The following DENND4C variants were observed in gnomAD, a reference collection of about 807,000 sequenced individuals.
DENND4C encodes DENN domain-containing protein 4C.
DENND4C carries 108 observed loss-of-function variants against 203.0 expected under a neutral mutation model. The ratio of observed to expected loss-of-function variants is 0.53; its 90% CI spans 0.46 to 0.62. The LOEUF (loss-of-function observed/expected upper bound fraction) is 0.62, where lower values mean the gene tolerates loss of function less well. Ranked by LOEUF, DENND4C falls within the 20% of genes least tolerant of loss-of-function variation. The pLI is 0.00. For synonymous variants in DENND4C, 871 were observed against 792.4 expected (o/e 1.10, Z -1.67); for missense variants, 2,481 against 2,301.2 (o/e 1.08, Z -1.60).
intron 1 of DENND4C, among the ~76,000 whole-genome samples, chr9:19,275,386 G>A (rs922483235): frequency 6.8e-6 from 1 of 147,686 alleles, no homozygotes; most frequent in Non-Finnish European, 1.5e-5. Context: ...TCCGCCTTCC[G>A]GGGTCGAGCG....
At chr9:19,355,209 C>T (rs1255962948) in intron 26 of DENND4C, among the ~76,000 whole-genome samples, 1 of 152,062 alleles carries the variant, frequency 6.6e-6, no homozygotes, top group African/African-American at 2.4e-5. Context: ...CATGCCTGGC[C>T]ATTCATTGCC....
rs1481755251 is a variant in DENND4C, at chr9:19,235,739, T to C, written c.-18+4906T>C. 2.0e-5 allele frequency among the ~76,000 whole-genome samples: 3 copies of C among 149,718 alleles called. No individual in the cohort carries two copies. In the East Asian group the frequency reaches 6.1e-4, roughly 30 times the overall value. ...CATTCTCCTGCCTCAGCCTCCCAAA[T>C]AGCTGGGACTTTAGGTGCCCGCCAC... On this transcript the variant is annotated intron_variant, in intron 1 of 32. Coordinates refer to ENST00000434457, the MANE Select transcript of DENND4C (RefSeq NM_001330640.2).
intron 1 of DENND4C, among the ~76,000 whole-genome samples, chr9:19,239,195 T>C (rs1412349420): frequency 1.3e-5 from 2 of 152,166 alleles, no homozygotes; most frequent in African/African-American, 4.8e-5. Context: ...TTTATGTCTT[T>C]AATTTTAGAA....
At chr9:19,341,224 C>A in intron 21 of DENND4C, 110 bp downstream of exon 21, 1 of 923,224 alleles carries the variant, frequency 1.1e-6, no homozygotes, top group Non-Finnish European at 1.5e-6. Flanking sequence ...AATGTAAGGT[C>A]TGGCTCCTAA....
At chr9:19,270,816 T>C (rs923092347) in intron 1 of DENND4C, among the ~76,000 whole-genome samples, 1 of 152,224 alleles carries the variant, frequency 6.6e-6, no homozygotes, top group African/African-American at 2.4e-5. Context: ...TATTCACACA[T>C]ACATTATGTG....
rs62560346 is a variant in DENND4C at position 19,255,134 on chromosome 9, G to A, written c.-17-21024G>A. ...GCACTCCAGCCTGGGTGGCAAGAGCGAAACTCTGTCTCAGTCTCAGTGGCT... is the reference window on the plus strand; with the variant it reads ...GCACTCCAGCCTGGGTGGCAAGAGCAAAACTCTGTCTCAGTCTCAGTGGCT... On this transcript the variant is annotated intron_variant, in intron 1 of 32. Coordinates refer to ENST00000434457, the MANE Select transcript of DENND4C (RefSeq NM_001330640.2). Among the ~76,000 whole-genome samples, 169 of 152,116 alleles carry A rather than the reference G, an allele frequency of 1.1e-3. 3 individuals are homozygous for A. In the Middle Eastern group the frequency reaches 0.024, roughly 21 times the overall value.
At chr9:19,268,594 T>A (rs1830994079) in intron 1 of DENND4C, among the ~76,000 whole-genome samples, 1 of 152,232 alleles carries the variant, frequency 6.6e-6, no homozygotes, top group South Asian at 2.1e-4. Flanking sequence ...GAACTCCCTT[T>A]AGTATTTCCT....
chr9:19,240,614 C>T (rs1442834994), intron 1 of DENND4C, among the ~76,000 whole-genome samples: 7 of 151,208 alleles, frequency 4.6e-5, no homozygotes, highest in Admixed American at 3.3e-4. Context: ...TGCAGTGAGC[C>T]GAGATCATGC....
At chr9:19,328,841 G>C (rs540542350) in intron 16 of DENND4C, among the ~76,000 whole-genome samples, 6 of 152,084 alleles carry the variant, frequency 3.9e-5, no homozygotes, top group African/African-American at 1.4e-4. Flanking sequence ...CTGAGGTCAG[G>C]AGTTCGAGAC....
intron 13 of DENND4C, 28 bp downstream of exon 13, chr9:19,324,535 T>C (rs756589357): frequency 6.3e-7 from 1 of 1,585,194 alleles, no homozygotes; most frequent in South Asian, 1.2e-5. Flanking sequence ...TACTAGTGTT[T>C]AGAAAAAAAA....
Position 19,333,300 on chromosome 9 carries a change from G to C in DENND4C, c.2460+1116G>C, listed in dbSNP as rs555500362. On this transcript the variant is annotated intron_variant, in intron 17 of 32. Transcript: ENST00000434457. The stretch of plus-strand genomic sequence containing the variant: ...CAAAGTGCCAAGATTATAAATATGA[G>C]CCACTGCACCTGGCCTATGGAACCT... 2.6e-5 allele frequency among the ~76,000 whole-genome samples: 4 copies of C among 152,120 alleles called. No individual in the cohort carries two copies. In the East Asian group the frequency reaches 7.7e-4, roughly 29 times the overall value.
chr9:19,283,719 G>A (rs1315219761), intron 2 of DENND4C, among the ~76,000 whole-genome samples: 2 of 98,220 alleles, frequency 2.0e-5, no homozygotes, highest in South Asian at 3.9e-4. Context: ...CCCCACCCCC[G>A]CCAGTAGCTG....
intron 5 of DENND4C, among the ~76,000 whole-genome samples, chr9:19,293,460 T>G (rs548723382): frequency 1.0e-3 from 93 of 90,682 alleles, no homozygotes; most frequent in African/African-American, 3.2e-3. Context: ...GGTTAAAAAC[T>G]TTGAGATCAC....
intron 26 of DENND4C, among the ~76,000 whole-genome samples, 184 bp from the exon 27 acceptor site, chr9:19,356,788 T>TGTGAGAGA (rs1266119304): frequency 1.6e-4 from 23 of 140,410 alleles, no homozygotes; most frequent in African/African-American, 6.2e-4. Context: ...TGTGTGTGTG[T>TGTGAGAGA]GAGAGAGAGA....
chr9:19,308,265 C>G (rs1002224279), intron 10 of DENND4C, among the ~76,000 whole-genome samples: 1 of 152,204 alleles, frequency 6.6e-6, no homozygotes, highest in Non-Finnish European at 1.5e-5. Context: ...ATAGCTAATA[C>G]CAGATTACTC....
intron 1 of DENND4C, among the ~76,000 whole-genome samples, chr9:19,268,103 ATTT>A (rs74664928): frequency 6.9e-6 from 1 of 144,408 alleles, no homozygotes. Flanking sequence ...GTTTTTGGGT[ATTT>A]TTTTTTTTTC....
At chr9:19,359,383 T>C (rs1449287754) in intron 28 of DENND4C, among the ~76,000 whole-genome samples, 1 of 151,830 alleles carries the variant, frequency 6.6e-6, no homozygotes, top group Non-Finnish European at 1.5e-5. Context: ...GCCTTAAACA[T>C]TTATCTTTAT....
Position 19,373,761 on chromosome 9 carries a change from G to C in DENND4C, c.*1588G>C, listed in dbSNP as rs1372964738. On this transcript the variant is annotated 3_prime_UTR_variant, in exon 33 of 33. Transcript: ENST00000434457. ...TGTGTGTGTTTACAGTAATTATGCA[G>C]ATGACTAAATGAGTTGACACAGTAA... Among the ~76,000 whole-genome samples, 1 of 152,056 alleles carries C rather than the reference G, an allele frequency of 6.6e-6. No individual in the cohort carries two copies.
chr9:19,301,643 A>C (rs916999078), intron 9 of DENND4C, among the ~76,000 whole-genome samples: 17 of 152,212 alleles, frequency 1.1e-4, no homozygotes, highest in African/African-American at 4.1e-4. Context: ...AGTTCTAGAA[A>C]GTTCCCACCC....
Sources: gnomAD v4.1 joint callset for allele counts (sites outside exome capture counted in the v4.1 genomes callset) on GRCh38, gnomAD v4.1.1 for gene constraint, MANE v1.5 for transcripts, NCBI Gene and HGNC (gene_info 2026-07-23, HGNC 2026-07-21) for gene names.